The following OBI1 variants were observed in gnomAD, a reference collection of about 807,000 sequenced individuals.
The protein encoded by OBI1 is ORC ubiquitin ligase 1.
Under a neutral mutation model 62.4 loss-of-function variants are expected in OBI1, and 59 were observed. The observed-to-expected ratio is 0.95, with a 90% CI of 0.77 to 1.17. OBI1 has a LOEUF of 1.17. OBI1 is among the 50% of genes most tolerant of loss of function. The pLI, the probability that OBI1 is intolerant of heterozygous loss-of-function variation, is 0.00. For missense variants in OBI1, 875 were observed against 830.9 expected (o/e 1.05, Z -0.65); for synonymous variants, 302 against 292.8 (o/e 1.03, Z -0.32).
intron 1 of OBI1, among the ~76,000 whole-genome samples, chr13:78,653,836 C>T (rs999266630): frequency 1.3e-5 from 2 of 152,076 alleles, no homozygotes; most frequent in South Asian, 4.1e-4. Flanking sequence ...AAAACTTTAT[C>T]GGTTTCTCTA....
At chr13:78,635,431 A>T (rs80230805) in intron 4 of OBI1, among the ~76,000 whole-genome samples, 1,549 of 152,332 alleles carry the variant, frequency 0.01, 28 homozygotes, top group African/African-American at 0.035. Flanking sequence ...GTCCAGGGAA[A>T]TAAACAAAAC....
intron 4 of OBI1, among the ~76,000 whole-genome samples, chr13:78,636,707 A>G (rs1876040686): frequency 6.6e-6 from 1 of 152,192 alleles, no homozygotes; most frequent in African/African-American, 2.4e-5. Flanking sequence ...GATAAACACC[A>G]TTACTGCTTC....
intron 5 of OBI1, 118 bp from the exon 6 acceptor site, chr13:78,617,240 C>G: frequency 1.4e-6 from 1 of 715,602 alleles, no homozygotes; most frequent in South Asian, 2.6e-5. Flanking sequence ...TTTCAGACCA[C>G]TCAATGAGTA....
rs556611168 is a variant in OBI1, at chr13:78,621,079, C to T, written c.639-3957G>A. 2.5e-4 allele frequency among the ~76,000 whole-genome samples: 38 copies of T among 152,336 alleles called. 1 individual carries two copies. The South Asian group carries it at 3.5e-3, about 14-fold the overall frequency. ...CATCAAACTTTGACTTTATATGTTT[C>T]CCTCACTTGGTAGCTGAGGTAATGA... is the stretch of plus-strand genomic sequence containing the variant. On this transcript the variant is annotated intron_variant, in intron 5 of 5. Transcript: ENST00000282003.
chr13:78,628,333 AC>A (rs752695771), intron 5 of OBI1, among the ~76,000 whole-genome samples: 5 of 152,220 alleles, frequency 3.3e-5, no homozygotes, highest in African/African-American at 4.8e-5. Context: ...GTTCACAATC[AC>A]CATGCTCTAC....
At chr13:78,657,185 G>A (rs1180012253) in intron 1 of OBI1, among the ~76,000 whole-genome samples, 2 of 151,842 alleles carry the variant, frequency 1.3e-5, no homozygotes, top group African/African-American at 4.8e-5. Flanking sequence ...TGAAGCATGT[G>A]CAAAGTTTAG....
rs1875247760 is a variant in OBI1, at chr13:78,615,726, T to A, written c.2035A>T (p.Met679Leu). ...GSSLFKMSSE[M>L]HSLHNHLQSP... ...TGAAGGTGGTTATGAAGACTGTGCATCTCTGAGGACATCTTAAACAAAGAT... is the reference window on the plus strand; with the variant it reads ...TGAAGGTGGTTATGAAGACTGTGCAACTCTGAGGACATCTTAAACAAAGAT... The change falls in exon 6 of 6, where the codon ATG (methionine) becomes TTG (leucine). Residue 679 changes from methionine to leucine, a missense_variant. Physicochemically the swap from Met to Leu is conservative, Grantham distance 15. Coordinates refer to ENST00000282003, the MANE Select transcript of OBI1 (RefSeq NM_024546.4). The A allele has an allele frequency of 1.9e-6, 3 of 1,614,134 alleles. No homozygotes were observed. In the African/African-American group the frequency reaches 4.0e-5, roughly 22 times the overall value.
Position 78,617,098 on chromosome 13 carries a change from A to G in OBI1, c.663T>C (p.Ala221=), listed in dbSNP as rs1875333147. 1 of 1,565,136 alleles carries G rather than the reference A, an allele frequency of 6.4e-7. No homozygotes were observed. The highest frequency in any genetic ancestry group is 1.4e-5 in the African/African-American group (1 of 72,676). Residue 221 remains alanine (A), a synonymous_variant, in exon 6 of 6, where the codon GCT becomes GCC. Coordinates refer to ENST00000282003, the MANE Select transcript of OBI1 (RefSeq NM_024546.4). The stretch of plus-strand genomic sequence containing the variant: ...CATACTGTTCTACTTTGGACTGAAG[A>G]GCAGCAACTGCAAACCTTCCAAACC... ...PQKFGRFAVA[A]LQSKVEQYER... is the part of the protein sequence containing the mutation.
At chr13:78,620,602 C>G in intron 5 of OBI1, 1 of 440,728 alleles carries the variant, frequency 2.3e-6, no homozygotes, top group Non-Finnish European at 4.5e-6. Flanking sequence ...TTAACTGATA[C>G]ATACATTCTG....
chr13:78,624,029 G>C (rs959446389), intron 5 of OBI1, among the ~76,000 whole-genome samples: 1 of 152,170 alleles, frequency 6.6e-6, no homozygotes, highest in African/African-American at 2.4e-5. Context: ...GCTATGTATA[G>C]AAAGTATGTA....
Position 78,642,102 on chromosome 13 carries a change from A to G in OBI1, c.300+20T>C. The G allele has an allele frequency of 1.4e-6, 2 of 1,447,554 alleles. No homozygotes were observed. Among genetic ancestry groups the G allele is most frequent in the Non-Finnish European group, 1.9e-6 (2 of 1,031,712 alleles). The allele number at this position is 1,447,554 out of a possible 1,614,324, so 89.7% of individuals were successfully genotyped here. A position where few individuals can be genotyped will look rare whatever the true frequency, so the allele number is the denominator to read the frequency against. On this transcript the variant is annotated intron_variant, in intron 3 of 5. Coordinates refer to ENST00000282003, the MANE Select transcript of OBI1 (RefSeq NM_024546.4). Reference sequence around the variant, plus strand: ...TTGAATTCACTGCTAACATAATTTTAAACTTTGATTACTGTTTACCTCATA... The same window carrying G: ...TTGAATTCACTGCTAACATAATTTTGAACTTTGATTACTGTTTACCTCATA...
chr13:78,635,737 GATCT>G (rs753801059), intron 4 of OBI1, among the ~76,000 whole-genome samples: 36 of 151,994 alleles, frequency 2.4e-4, no homozygotes, highest in South Asian at 2.1e-3. Flanking sequence ...CTCAAAATTG[GATCT>G]ATCTATCTAT....
intron 1 of OBI1, among the ~76,000 whole-genome samples, chr13:78,647,497 T>C (rs954867075): frequency 3.3e-5 from 5 of 152,234 alleles, no homozygotes; most frequent in Admixed American, 3.3e-4. Context: ...TACCTTCCCT[T>C]GAACTTATTT....
chr13:78,619,614 G>A (rs974515941), intron 5 of OBI1, among the ~76,000 whole-genome samples: 1 of 152,094 alleles, frequency 6.6e-6, no homozygotes, highest in African/African-American at 2.4e-5. Context: ...AGGGACCTGT[G>A]CTGGTTGGCA....
At chr13:78,636,786 G>A (rs9601103) in intron 4 of OBI1, among the ~76,000 whole-genome samples, 27,208 of 152,146 alleles carry the variant, frequency 0.18, 3,282 homozygotes, top group Non-Finnish European at 0.23. Context: ...CTCAAGCACA[G>A]CACCATAAGG....
chr13:78,642,088 G>T, intron 3 of OBI1, 34 bp downstream of exon 3: 1 of 1,299,840 alleles, frequency 7.7e-7, no homozygotes, highest in Non-Finnish European at 1.1e-6. Context: ...TGAATTCACT[G>T]CTAACATAAT....
chr13:78,649,799 A>C (rs965260489), intron 1 of OBI1, among the ~76,000 whole-genome samples: 7 of 152,190 alleles, frequency 4.6e-5, no homozygotes, highest in Admixed American at 1.3e-4. Context: ...TTGCAACAGA[A>C]GGGAAAATAG....
chr13:78,641,065 C>A (rs942491792), intron 3 of OBI1, among the ~76,000 whole-genome samples: 2 of 152,048 alleles, frequency 1.3e-5, no homozygotes, highest in African/African-American at 4.8e-5. Context: ...TACTATGATG[C>A]CATTTATTCA....
rs1875286716 is a variant in OBI1 at position 78,616,341 on chromosome 13, A to G, written c.1420T>C (p.Tyr474His). The G allele has an allele frequency of 1.2e-6, 2 of 1,613,990 alleles. No homozygotes were observed. Among genetic ancestry groups the G allele is most frequent in the Non-Finnish European group, 1.7e-6 (2 of 1,179,948 alleles). The change falls in exon 6 of 6, where the codon TAT becomes CAT. Residue 474 changes from tyrosine (Y) to histidine (H), a missense_variant. Tyr to His is a moderately conservative substitution (Grantham distance 83). Coordinates refer to ENST00000282003, the MANE Select transcript of OBI1 (RefSeq NM_024546.4). ...TGFWDCCSTS[Y>H]AQNLDFESSE... ...CTTTCAAAATCTAAGTTTTGGGCAT[A>G]GCTTGTGGAACAACAGTCCCAAAAT...
Sources: gnomAD v4.1 joint callset for allele counts (sites outside exome capture counted in the v4.1 genomes callset) on GRCh38, gnomAD v4.1.1 for gene constraint, MANE v1.5 for transcripts, NCBI Gene and HGNC (gene_info 2026-07-23, HGNC 2026-07-21) for gene names.